SERAC1: variants seen among roughly 807,000 people sequenced by gnomAD.
SERAC1 encodes protein SERAC1.
A neutral mutation model predicts 85.7 loss-of-function variants in SERAC1; 36 were observed. The ratio of observed to expected loss-of-function variants is 0.42; its 90% CI spans 0.32 to 0.55. The LOEUF (loss-of-function observed/expected upper bound fraction) is 0.55, where lower values mean the gene tolerates loss of function less well. Among genes scored for constraint, SERAC1 ranks in the 20% least tolerant of loss-of-function variants. The pLI, the probability that SERAC1 is intolerant of heterozygous loss-of-function variation, is 0.11. For missense variants in SERAC1, 629 were observed against 796.2 expected (o/e 0.79, Z 2.53); for synonymous variants, 242 against 265.3 (o/e 0.91, Z 0.85).
At chr6:158,121,900 T>C (rs1006210618) in intron 10 of SERAC1, among the ~76,000 whole-genome samples, 2 of 152,202 alleles carry the variant, frequency 1.3e-5, no homozygotes, top group Non-Finnish European at 2.9e-5. Flanking sequence ...TTGAAAAATA[T>C]CAAATGCCCT....
At chr6:158,124,395 T>C (rs971048189) in intron 10 of SERAC1, among the ~76,000 whole-genome samples, 3 of 152,028 alleles carry the variant, frequency 2.0e-5, no homozygotes, top group Admixed American at 6.5e-5. Flanking sequence ...GAATAAATAT[T>C]GGATGATATA....
Position 158,146,677 on chromosome 6 carries a change from T to C in SERAC1, c.487+105A>G, listed in dbSNP as rs1270236920. 2.1e-6 allele frequency: 3 copies of C among 1,438,578 alleles called. No homozygotes were observed. The African/African-American group carries it at 4.2e-5, about 20-fold the overall frequency. 89.1% of individuals were successfully genotyped at this position (1,438,578 alleles called of 1,614,324 possible). On this transcript the variant is annotated intron_variant, in intron 6 of 16. Transcript: ENST00000647468. ...CAACCAGCGTGGCCTCCCAAAGTGC[T>C]GGGATTACAGGCGTGAGCCACCGCA...
At chr6:158,162,287 A>T (rs1010957405) in intron 1 of SERAC1, 4 of 152,182 alleles carry the variant, frequency 2.6e-5, no homozygotes, top group African/African-American at 9.7e-5. Flanking sequence ...TGTTACAAAT[A>T]TCACATGAGT....
At chr6:158,152,752 C>T (rs1307118278) in intron 3 of SERAC1, 1 of 152,242 alleles carries the variant, frequency 6.6e-6, no homozygotes, top group Non-Finnish European at 1.5e-5. Flanking sequence ...TTATAATAGC[C>T]TACCGTGTTC....
intron 4 of SERAC1, among the ~76,000 whole-genome samples, chr6:158,149,902 C>T (rs1785163287): frequency 6.6e-6 from 1 of 152,160 alleles, no homozygotes; most frequent in Non-Finnish European, 1.5e-5. Flanking sequence ...AAATATACTC[C>T]TCTGCTCTAA....
Sources: gnomAD v4.1 joint callset for allele counts (sites outside exome capture counted in the v4.1 genomes callset) on GRCh38, gnomAD v4.1.1 for gene constraint, MANE v1.5 for transcripts, NCBI Gene and HGNC (gene_info 2026-07-23, HGNC 2026-07-21) for gene names.